Variants in ABCC1 observed in about 807,000 individuals in gnomAD.
ABCC1 encodes the protein multidrug resistance-associated protein 1.
A neutral mutation model predicts 172.9 loss-of-function variants in ABCC1; 83 were observed. The observed-to-expected ratio is 0.48, with a 90% CI of 0.40 to 0.58. The LOEUF is 0.58. Ranked by LOEUF, ABCC1 falls within the 20% of genes least tolerant of loss-of-function variation. The pLI, the probability that ABCC1 is intolerant of heterozygous loss-of-function variation, is 0.00. For missense variants in ABCC1, 1,817 were observed against 2,002.7 expected, an observed-to-expected ratio of 0.91 and a Z score of 1.77; for synonymous variants, 937 against 825.2, an observed-to-expected ratio of 1.14 and a Z score of -2.32.
chr16:16,000,220 C>G (rs1322676016), intron 1 of ABCC1, among the ~76,000 whole-genome samples: 1 of 151,648 alleles, frequency 6.6e-6, no homozygotes, highest in Non-Finnish European at 1.5e-5. Context: ...GATTATGTCT[C>G]ACTGCAGTGT....
chr16:15,966,534 T>C (rs774318025), intron 1 of ABCC1, among the ~76,000 whole-genome samples: 3 of 152,046 alleles, frequency 2.0e-5, no homozygotes, highest in Non-Finnish European at 4.4e-5. Flanking sequence ...GTAGTTATAA[T>C]TAGGTTGGCT....
intron 9 of ABCC1, among the ~76,000 whole-genome samples, chr16:16,046,510 A>G (rs2049216120): frequency 6.6e-6 from 1 of 151,976 alleles, no homozygotes; most frequent in Admixed American, 6.6e-5. Flanking sequence ...ACGACCGGCT[A>G]ATTTTTGTAT....
At chr16:15,978,951 T>C (rs1457518976) in intron 1 of ABCC1, among the ~76,000 whole-genome samples, 4 of 152,098 alleles carry the variant, frequency 2.6e-5, no homozygotes, top group Non-Finnish European at 4.4e-5. Context: ...CCTGGGCTTA[T>C]TAAGGCAACA....
chr16:16,056,336 G>A (rs750225961), intron 12 of ABCC1, 41 bp downstream of exon 12: 3 of 1,607,154 alleles, frequency 1.9e-6, no homozygotes, highest in Non-Finnish European at 2.6e-6. Flanking sequence ...ATTGTTTGAT[G>A]TTTTATTTTC....
chr16:16,125,299 G>T (rs2152120127), intron 25 of ABCC1, among the ~76,000 whole-genome samples: 1 of 152,322 alleles, frequency 6.6e-6, no homozygotes, highest in East Asian at 1.9e-4. Context: ...TGTGGCCCAT[G>T]AGTTATTTTG....
chr16:16,048,073 G>GGTCTGGA lies in ABCC1; in HGVS notation c.1219-67_1219-61dup. 1.9e-6 allele frequency: 3 copies of GGTCTGGA among 1,557,240 alleles called. No individual in the cohort carries two copies. In the Admixed American group the frequency reaches 5.1e-5, roughly 26 times the overall value. ...CCTGAGAGTCTCCTTCCTCTCCGTG[G>GGTCTGGA]GTCTGGAGGGAGAGTCAGGCCTCTT... On this transcript the variant is annotated intron_variant, in intron 9 of 30. Coordinates refer to ENST00000399410, the MANE Select transcript of ABCC1 (RefSeq NM_004996.4).
At chr16:15,985,128 C>T (rs2151604127) in intron 1 of ABCC1, among the ~76,000 whole-genome samples, 1 of 152,258 alleles carries the variant, frequency 6.6e-6, no homozygotes, top group Non-Finnish European at 1.5e-5. Flanking sequence ...TCATATATTT[C>T]CTATTAAGGT....
At chr16:16,030,354 A>G (rs926388251) in intron 5 of ABCC1, among the ~76,000 whole-genome samples, 1 of 152,060 alleles carries the variant, frequency 6.6e-6, no homozygotes, top group African/African-American at 2.4e-5. Flanking sequence ...GTGAAACCCC[A>G]TCTCTACTAA....
At chr16:16,047,710 ACC>A (rs1281970680) in intron 9 of ABCC1, among the ~76,000 whole-genome samples, 1 of 150,278 alleles carries the variant, frequency 6.7e-6, no homozygotes, top group African/African-American at 2.5e-5. Flanking sequence ...CCTGGCCCAC[ACC>A]CTCAGTCCTT....
intron 3 of ABCC1, among the ~76,000 whole-genome samples, chr16:16,013,496 C>T (rs1159121249): frequency 1.3e-5 from 2 of 151,832 alleles, no homozygotes; most frequent in African/African-American, 2.4e-5. Flanking sequence ...GTCTCAAACT[C>T]CTGACCTGCC....
Position 16,052,664 on chromosome 16 carries a change from G to A in ABCC1, c.1381-60G>A, listed in dbSNP as rs1016544455. Reference sequence around the variant, plus strand: ...GTGGGATGGATCAACCGGGGAAGCTGTTACGGGCCCTGTTTTCTTCTGTCT... The same window carrying A: ...GTGGGATGGATCAACCGGGGAAGCTATTACGGGCCCTGTTTTCTTCTGTCT... On this transcript the variant is annotated intron_variant, in intron 10 of 30. Coordinates refer to ENST00000399410, the MANE Select transcript of ABCC1 (RefSeq NM_004996.4). The A allele has an allele frequency of 1.9e-6, 3 of 1,552,704 alleles. No individual in the cohort carries two copies. In the African/African-American group the frequency reaches 4.1e-5, roughly 21 times the overall value.
chr16:16,038,386 G>A (rs372908083), intron 7 of ABCC1, among the ~76,000 whole-genome samples: 75 of 152,178 alleles, frequency 4.9e-4, no homozygotes, highest in African/African-American at 1.8e-3. Context: ...TCAAAGGCCT[G>A]AGAACCTGGA....
chr16:16,047,029 C>G (rs922475867), intron 9 of ABCC1, among the ~76,000 whole-genome samples: 1 of 152,048 alleles, frequency 6.6e-6, no homozygotes, highest in Admixed American at 6.6e-5. Flanking sequence ...GACCCTGGCT[C>G]TGCAGAAAAT....
chr16:15,949,191 C>T (rs1000991039), upstream of ABCC1, among the ~76,000 whole-genome samples: 7 of 152,272 alleles, frequency 4.6e-5, no homozygotes, highest in South Asian at 6.2e-4. Flanking sequence ...GGGTTTCTTC[C>T]TTCATGAACG....
At chr16:16,075,834 G>A (rs942592046) in intron 14 of ABCC1, among the ~76,000 whole-genome samples, 1 of 152,172 alleles carries the variant, frequency 6.6e-6, no homozygotes, top group Non-Finnish European at 1.5e-5. Flanking sequence ...GACCTGGGGA[G>A]AAGGGTGAAC....
rs746551100 is a variant in ABCC1, at chr16:16,036,604, G to T, written c.809+1G>T. The T allele has an allele frequency of 6.2e-7, 1 of 1,613,502 alleles. No individual in the cohort carries two copies. The highest frequency in any genetic ancestry group is 8.5e-7 in the Non-Finnish European group (1 of 1,179,630). On this transcript the variant is annotated splice_donor_variant, in intron 7 of 30. Transcript: ENST00000399410. LOFTEE classifies it high-confidence loss of function. Reference sequence around the variant, plus strand: ...AGAAGGAATGCGCCAAGACTAGGAAGTAAGTGTGAGTTTCCTTGTCCTCCA... The same window carrying T: ...AGAAGGAATGCGCCAAGACTAGGAATTAAGTGTGAGTTTCCTTGTCCTCCA...
intron 22 of ABCC1, 57 bp from the exon 23 acceptor site, chr16:16,114,709 C>T: frequency 1.3e-6 from 2 of 1,514,680 alleles, no homozygotes; most frequent in Non-Finnish European, 8.9e-7. Flanking sequence ...CTCCTCCCTG[C>T]AGTGCCTGGT....
At chr16:16,096,836 T>C (rs2051502008) in intron 19 of ABCC1, among the ~76,000 whole-genome samples, 1 of 152,070 alleles carries the variant, frequency 6.6e-6, no homozygotes, top group South Asian at 2.1e-4. Context: ...GCACCTGGCT[T>C]GACAGCATCC....
intron 21 of ABCC1, 28 bp downstream of exon 21, chr16:16,106,901 G>A (rs1421363985): frequency 6.2e-7 from 1 of 1,613,294 alleles, no homozygotes; most frequent in Non-Finnish European, 8.5e-7. Flanking sequence ...AGTGATGACA[G>A]TGGCTGGAGT....
Sources: gnomAD v4.1 joint callset for allele counts (sites outside exome capture counted in the v4.1 genomes callset) on GRCh38, gnomAD v4.1.1 for gene constraint, MANE v1.5 for transcripts, NCBI Gene and HGNC (gene_info 2026-07-23, HGNC 2026-07-21) for gene names.